The following PCDH15 variants were observed in gnomAD, a reference collection of about 807,000 sequenced individuals.
The protein encoded by PCDH15 is protocadherin related 15.
PCDH15 carries 129 observed loss-of-function variants against 178.5 expected under a neutral mutation model. The ratio of observed to expected loss-of-function variants is 0.72; its 90% confidence interval spans 0.63 to 0.84. The LOEUF (loss-of-function observed/expected upper bound fraction) is 0.84, where lower values mean the gene tolerates loss of function less well. Ranked by LOEUF, PCDH15 falls within the 40% of genes least tolerant of loss-of-function variation. PCDH15 has a pLI of 0.00. For synonymous variants in PCDH15, 800 were observed against 732.0 expected, an observed-to-expected ratio of 1.09 and a Z score of -1.50; for missense variants, 2,230 against 2,099.9, an observed-to-expected ratio of 1.06 and a Z score of -1.21.
At chr10:54,775,596 TG>T (rs1276026684) in intron 1 of PCDH15, among the ~76,000 whole-genome samples, 1 of 152,346 alleles carries the variant, frequency 6.6e-6, no homozygotes, top group South Asian at 2.1e-4. Flanking sequence ...TGTAATTTTG[TG>T]TTCCTTAACA....
intron 2 of PCDH15, among the ~76,000 whole-genome samples, chr10:55,379,528 C>T (rs1171083098): frequency 6.6e-6 from 1 of 151,876 alleles, no homozygotes; most frequent in African/African-American, 2.4e-5. Context: ...ATCAATATAT[C>T]TATTCCCTTT....
intron 1 of PCDH15, among the ~76,000 whole-genome samples, chr10:54,675,232 A>C (rs1432054934): frequency 6.6e-6 from 1 of 151,996 alleles, no homozygotes; most frequent in African/African-American, 2.4e-5. Flanking sequence ...CAGACATTAA[A>C]TTTTATGGGC....
At chr10:55,430,441 A>G (rs1838855746) in intron 2 of PCDH15, among the ~76,000 whole-genome samples, 1 of 152,222 alleles carries the variant, frequency 6.6e-6, no homozygotes, top group Admixed American at 6.5e-5. Context: ...ATATTTTGAC[A>G]TGTAATATTC....
rs1952622794 is a variant in PCDH15 at position 54,801,124 on chromosome 10, A to T, written c.-228T>A. ...ATCATCAAGAAAATGTTACTAGGAA[A>T]ATTTTTAGAAAAGCAAAACAGTTCA... is the stretch of plus-strand genomic sequence containing the variant. On this transcript the variant is annotated 5_prime_UTR_variant, in exon 1 of 38. Coordinates refer to ENST00000644397, the MANE Select transcript of PCDH15 (RefSeq NM_001384140.1). 6.6e-6 allele frequency: 1 copy of T among 152,160 alleles called. No individual in the cohort carries two copies. The allele number at this position is 152,160 out of a possible 1,614,324, so 9.4% of individuals were successfully genotyped here. A position where few individuals can be genotyped will look rare whatever the true frequency, so the allele number is the denominator to read the frequency against.
chr10:54,435,920 A>G (rs1452995312), intron 3 of PCDH15, among the ~76,000 whole-genome samples: 5 of 151,834 alleles, frequency 3.3e-5, no homozygotes, highest in Non-Finnish European at 7.4e-5. Flanking sequence ...CAGGGAGCCG[A>G]GATCGTGCCA....
At chr10:54,176,469 G>A (rs1298193408) in intron 13 of PCDH15, among the ~76,000 whole-genome samples, 1 of 152,072 alleles carries the variant, frequency 6.6e-6, no homozygotes, top group Non-Finnish European at 1.5e-5. Context: ...TTCAACCTGA[G>A]AGAGCTCTCA....
chr10:54,237,121 A>G (rs2054712817), intron 8 of PCDH15, among the ~76,000 whole-genome samples, 190 bp from the exon 9 acceptor site: 1 of 152,148 alleles, frequency 6.6e-6, no homozygotes, highest in Non-Finnish European at 1.5e-5. Context: ...TCTCAAAGTC[A>G]AAATGGTAAG....
chr10:55,088,755 A>G lies in PCDH15; in HGVS notation c.-80+77821T>C, dbSNP rs559881657. On this transcript the variant is annotated intron_variant, in intron 2 of 5. Transcript: ENST00000458638. ...CTATTTTTAATACATTACATATAAT[A>G]TAAACACACAATTTAAAGAATACCT... Among the ~76,000 whole-genome samples the G allele has an allele frequency of 2.0e-5, 3 of 152,216 alleles. No homozygotes were observed. In the East Asian group the frequency reaches 5.8e-4, roughly 29 times the overall value.
intron 2 of PCDH15, among the ~76,000 whole-genome samples, chr10:54,934,693 T>C (rs891648665): frequency 6.6e-6 from 1 of 151,014 alleles, no homozygotes; most frequent in African/African-American, 2.4e-5. Context: ...GATCTACAAC[T>C]AGAAATACCA....
chr10:54,439,970 C>A (rs973706922), intron 3 of PCDH15, among the ~76,000 whole-genome samples: 5 of 151,948 alleles, frequency 3.3e-5, no homozygotes, highest in South Asian at 2.1e-4. Context: ...ATGTTTTCCA[C>A]CTTGCAACAT....
chr10:55,538,397 TCTTCCTTC>T (rs149632458), intron 2 of PCDH15, among the ~76,000 whole-genome samples: 1 of 133,544 alleles, frequency 7.5e-6, no homozygotes, highest in African/African-American at 2.8e-5. Context: ...TTCCTTCCTT[TCTTCCTTC>T]CTTCCTTCCT....
At chr10:54,115,067 G>A (rs1302832586) in intron 15 of PCDH15, among the ~76,000 whole-genome samples, 1 of 152,132 alleles carries the variant, frequency 6.6e-6, no homozygotes, top group Non-Finnish European at 1.5e-5. Context: ...GGAAGCTATT[G>A]CAATAATCTA....
chr10:54,870,263 C>T (rs1181708401), intron 3 of PCDH15, among the ~76,000 whole-genome samples: 2 of 152,122 alleles, frequency 1.3e-5, no homozygotes, highest in Non-Finnish European at 2.9e-5. Context: ...GATTATTCAG[C>T]TACCATGCTC....
chr10:54,443,550 C>T (rs115625842), intron 3 of PCDH15, among the ~76,000 whole-genome samples: 2,698 of 151,480 alleles, frequency 0.018, 94 homozygotes, highest in African/African-American at 0.062. Flanking sequence ...GAAACAGATC[C>T]AGAGAGGAAG....
chr10:55,238,145 CTTTTTT>C (rs758000610), intron 1 of PCDH15, among the ~76,000 whole-genome samples: 2 of 124,460 alleles, frequency 1.6e-5, no homozygotes, highest in South Asian at 5.2e-4. Context: ...TTCATATTTT[CTTTTTT>C]TTTTTTTTTT....
chr10:55,603,078 C>G (rs550197495), intron 2 of PCDH15, among the ~76,000 whole-genome samples: 1 of 151,906 alleles, frequency 6.6e-6, no homozygotes, highest in Non-Finnish European at 1.5e-5. Context: ...GGCTCGAGAA[C>G]TACGTGAAGA....
chr10:54,192,754 G>A (rs1297639396), intron 11 of PCDH15, among the ~76,000 whole-genome samples: 1 of 152,032 alleles, frequency 6.6e-6, no homozygotes, highest in Admixed American at 6.6e-5. Flanking sequence ...TTAGAAAGGG[G>A]GTGAGTCTAA....
At chr10:54,999,851 A>G (rs1385822721) in intron 2 of PCDH15, among the ~76,000 whole-genome samples, 1 of 152,214 alleles carries the variant, frequency 6.6e-6, no homozygotes, top group Non-Finnish European at 1.5e-5. Flanking sequence ...TCCAGGATAG[A>G]CATCACATGT....
rs374228893 is a variant in PCDH15, at chr10:55,576,894, TGG to T, written c.-156+50729_-156+50730del. ...TCATTGTAATGTCAAACTATGTATG[TGG>T]GTACATGCTTTGAAGTATAATATAT... On this transcript the variant is annotated intron_variant, in intron 2 of 5. Coordinates refer to the PCDH15 transcript ENST00000613346. Among the ~76,000 whole-genome samples the T allele has an allele frequency of 4.5e-4, 69 of 152,290 alleles. 1 individual carries two copies. The East Asian group carries it at 0.013, about 28-fold the overall frequency.
Sources: gnomAD v4.1 joint callset for allele counts (sites outside exome capture counted in the v4.1 genomes callset) on GRCh38, gnomAD v4.1.1 for gene constraint, MANE v1.5 for transcripts, NCBI Gene and HGNC (gene_info 2026-07-23, HGNC 2026-07-21) for gene names.